The following SLC13A4 variants were observed in gnomAD, a reference collection of about 807,000 sequenced individuals.
The protein encoded by SLC13A4 is solute carrier family 13 member 4, also known as Na(+)/sulfate cotransporter SUT-1.
SLC13A4 carries 28 observed loss-of-function variants against 72.7 expected under a neutral mutation model. The ratio of observed to expected loss-of-function variants is 0.39; its 90% CI spans 0.29 to 0.53. The LOEUF (loss-of-function observed/expected upper bound fraction) is 0.53. Among genes scored for constraint, SLC13A4 ranks in the 20% least tolerant of loss-of-function variants. The pLI is 0.78. For synonymous variants in SLC13A4, 312 were observed against 325.5 expected, an observed-to-expected ratio of 0.96 and a Z score of 0.45; for missense variants, 653 against 788.0, an observed-to-expected ratio of 0.83 and a Z score of 2.05.
In SLC13A4 at chr7:135,720,890, ATGT is replaced by A. The variant is rs548494041; in HGVS notation, c.228+502_228+504del. On this transcript the variant is annotated intron_variant, in intron 2 of 15. Coordinates refer to ENST00000682651, the MANE Select transcript of SLC13A4 (RefSeq NM_001318192.2). ...TTAAGTCGGGCGAGAAGAAAAAGAA[ATGT>A]TGTTTTTTGGAGGCGTGGATGAAAA... 2.0e-3 allele frequency among the ~76,000 whole-genome samples: 299 copies of A among 152,350 alleles called. 2 individuals are homozygous for A. The highest frequency in any genetic ancestry group is 6.8e-3 in the African/African-American group (284 of 41,590).
intron 1 of SLC13A4, 82 bp downstream of exon 1, chr7:135,727,316 C>T (rs1431265925): frequency 7.3e-6 from 11 of 1,498,188 alleles, no homozygotes; most frequent in Admixed American, 2.1e-5. Flanking sequence ...ACTGCCTGAG[C>T]GCCCCATGTT....
At chr7:135,723,682 A>T (rs950029070) in intron 1 of SLC13A4, among the ~76,000 whole-genome samples, 4 of 152,216 alleles carry the variant, frequency 2.6e-5, no homozygotes, top group African/African-American at 9.6e-5. Context: ...CATAAAAGTT[A>T]CAAAAGGTCG....
In SLC13A4 at chr7:135,695,418, G is replaced by C; in HGVS notation, c.969C>G (p.Ile323Met). 1 of 1,614,210 alleles carries C rather than the reference G, an allele frequency of 6.2e-7. No homozygotes were observed. Among genetic ancestry groups the C allele is most frequent in the East Asian group, 2.2e-5 (1 of 44,886 alleles). ...TCCAGAACCAGCTGACCACCAGCATGATGAGGGATATGGGGAAGCTGAAGA... is the reference window on the plus strand; with the variant it reads ...TCCAGAACCAGCTGACCACCAGCATCATGAGGGATATGGGGAAGCTGAAGA... ...WFLFSFPISLIMLVVSWFWMH... is the reference protein window; with the variant it reads ...WFLFSFPISLMMLVVSWFWMH... Residue 323 changes from isoleucine (I) to methionine (M), a missense_variant, in exon 9 of 16, where the codon ATC becomes ATG. Physicochemically the swap from Ile to Met is conservative, Grantham distance 10. Transcript: ENST00000682651.
intron 10 of SLC13A4, 104 bp downstream of exon 10, chr7:135,694,033 T>C: frequency 1.4e-6 from 1 of 738,322 alleles, no homozygotes; most frequent in Non-Finnish European, 2.4e-6. Context: ...TTGTGGAAAA[T>C]TCTCCCAGTG....
intron 2 of SLC13A4, among the ~76,000 whole-genome samples, chr7:135,708,492 A>G (rs3112354): frequency 0.65 from 98,761 of 152,098 alleles, 32,251 homozygotes; most frequent in East Asian, 0.89. Flanking sequence ...AATCTGGCCC[A>G]TAACTCTATA....
rs1238298863 is a variant in SLC13A4 at position 135,685,781 on chromosome 7, C to A, written c.1447-98G>T. 4.7e-6 allele frequency: 5 copies of A among 1,061,780 alleles called. No individual in the cohort carries two copies. The Admixed American group carries it at 6.1e-5, about 13-fold the overall frequency. The allele number at this position is 1,061,780 out of a possible 1,614,324, so 65.8% of individuals were successfully genotyped here. A position where few individuals can be genotyped will look rare whatever the true frequency, so the allele number is the denominator to read the frequency against. ...AGGTCAGGGATGTTGGAAGGCTGGA[C>A]GACCAGGGATCCTCTGATCTTTAGT... On this transcript the variant is annotated intron_variant, in intron 13 of 15. Coordinates refer to ENST00000682651, the MANE Select transcript of SLC13A4 (RefSeq NM_001318192.2).
Position 135,727,748 on chromosome 7 carries a change from A to G in SLC13A4, c.-252T>C, listed in dbSNP as rs1796698986. The G allele has an allele frequency of 2.2e-6, 1 of 451,192 alleles. No individual in the cohort carries two copies. The highest frequency in any genetic ancestry group is 3.4e-5 in the East Asian group (1 of 29,300). 27.9% of individuals were successfully genotyped at this position (451,192 alleles called of 1,614,324 possible). On this transcript the variant is annotated 5_prime_UTR_variant, in exon 1 of 16. Transcript: ENST00000682651. Reference sequence around the variant, plus strand: ...TGTGACCAGCAAAAAGGAACTGGGAAAGGATGATAAACGGGGGCATAGTGG... The same window carrying G: ...TGTGACCAGCAAAAAGGAACTGGGAGAGGATGATAAACGGGGGCATAGTGG...
At chr7:135,727,279 T>C (rs1482582876) in intron 1 of SLC13A4, 119 bp downstream of exon 1, 2 of 1,322,846 alleles carry the variant, frequency 1.5e-6, no homozygotes, top group Non-Finnish European at 2.0e-6. Context: ...TCCATTTCTT[T>C]AAACCCACCA....
At position 135,690,930 on chromosome 7, in the gene SLC13A4, C is replaced by T. The variant is rs12672308; in HGVS notation, c.1446+271G>A. Among the ~76,000 whole-genome samples the T allele has an allele frequency of 1.3e-3, 205 of 152,204 alleles. 1 individual carries two copies. In the East Asian group the frequency reaches 0.028, roughly 21 times the overall value. On this transcript the variant is annotated intron_variant, in intron 13 of 15. Transcript: ENST00000682651. ...CTGTCATCCCAGCATTTTGGGAGGC[C>T]GAGGCAGGTGGATCACTTGAGGTCA... is the stretch of plus-strand genomic sequence containing the variant.
chr7:135,712,964 G>A (rs755837205), intron 2 of SLC13A4, among the ~76,000 whole-genome samples: 21 of 152,098 alleles, frequency 1.4e-4, no homozygotes, highest in Non-Finnish European at 2.2e-4. Context: ...GCCTCTTATC[G>A]CTCTTGCCCT....
Position 135,696,816 on chromosome 7 carries a change from A to G in SLC13A4, c.900-1329T>C, listed in dbSNP as rs558689690. 9.8e-5 allele frequency among the ~76,000 whole-genome samples: 15 copies of G among 152,336 alleles called. No homozygotes were observed. The East Asian group carries it at 2.7e-3, about 27-fold the overall frequency. Reference sequence around the variant, plus strand: ...CATCACCAGTAACCTCCACATCACCAAATCTAATGGATACGTTTTCATCCT... The same window carrying G: ...CATCACCAGTAACCTCCACATCACCGAATCTAATGGATACGTTTTCATCCT... On this transcript the variant is annotated intron_variant, in intron 8 of 15. Coordinates refer to ENST00000682651, the MANE Select transcript of SLC13A4 (RefSeq NM_001318192.2).
At chr7:135,689,347 C>T (rs1425873360) in intron 13 of SLC13A4, among the ~76,000 whole-genome samples, 1 of 152,072 alleles carries the variant, frequency 6.6e-6, no homozygotes, top group African/African-American at 2.4e-5. Context: ...TAATGATGAA[C>T]AGTTAAAAAG....
intron 2 of SLC13A4, among the ~76,000 whole-genome samples, chr7:135,718,777 A>T (rs982656611): frequency 2.6e-5 from 4 of 152,130 alleles, no homozygotes; most frequent in Non-Finnish European, 5.9e-5. Flanking sequence ...AATGACAAGG[A>T]TTTGGGGGCT....
At chr7:135,715,878 C>G (rs150753122) in intron 2 of SLC13A4, among the ~76,000 whole-genome samples, 31 of 152,266 alleles carry the variant, frequency 2.0e-4, no homozygotes, top group African/African-American at 6.7e-4. Context: ...ACCTAAAATA[C>G]AGGACTAATC....
At chr7:135,715,177 A>G (rs1796392286) in intron 2 of SLC13A4, among the ~76,000 whole-genome samples, 1 of 149,288 alleles carries the variant, frequency 6.7e-6, no homozygotes, top group Non-Finnish European at 1.5e-5. Flanking sequence ...ATATGTGTAT[A>G]TGGGTATATA....
intron 2 of SLC13A4, among the ~76,000 whole-genome samples, chr7:135,708,716 G>A (rs1796226238): frequency 6.6e-6 from 1 of 151,632 alleles, no homozygotes; most frequent in African/African-American, 2.4e-5. Flanking sequence ...TACTCAGTAT[G>A]GAAAACTTCA....
chr7:135,681,775 C>T, intron 15 of SLC13A4, 75 bp from the exon 16 acceptor site: 1 of 1,561,718 alleles, frequency 6.4e-7, no homozygotes, highest in South Asian at 1.2e-5. Context: ...CCCTTCTGTT[C>T]CTGCAGCCTA....
At chr7:135,691,808 G>T in intron 11 of SLC13A4, 163 bp from the exon 12 acceptor site, 1 of 573,520 alleles carries the variant, frequency 1.7e-6, no homozygotes, top group Non-Finnish European at 3.1e-6. Context: ...ATCCACTTTG[G>T]ATTTAATGGG....
intron 8 of SLC13A4, among the ~76,000 whole-genome samples, chr7:135,698,929 G>A (rs573087749): frequency 1.6e-4 from 24 of 152,160 alleles, no homozygotes; most frequent in Admixed American, 4.6e-4. Flanking sequence ...CACTGCGCCC[G>A]GCCTTTTTTT....
Sources: allele counts gnomAD v4.1 joint callset (sites outside exome capture counted in the v4.1 genomes callset), GRCh38; gene constraint gnomAD v4.1.1; transcripts MANE v1.5; gene names NCBI Gene and HGNC (gene_info 2026-07-23, HGNC 2026-07-21).